Variants in ARFGEF2 observed in about 807,000 individuals in gnomAD.
ARFGEF2 encodes the protein ARF guanine nucleotide exchange factor 2.
In ARFGEF2, 74 loss-of-function variants were observed where a neutral mutation model predicts 219.9. The ratio of observed to expected loss-of-function variants is 0.34; its 90% CI spans 0.28 to 0.41. The LOEUF (loss-of-function observed/expected upper bound fraction) is 0.41, where lower values mean the gene tolerates loss of function less well. Among genes scored for constraint, ARFGEF2 ranks in the 10% least tolerant of loss-of-function variants. The probability of loss-of-function intolerance (pLI) is 1.00; values close to 1 mark genes in which losing one functional copy is unlikely to be tolerated. For missense variants in ARFGEF2, 1,743 were observed against 2,218.3 expected (o/e 0.79, Z 4.30); for synonymous variants, 733 against 799.2 (o/e 0.92, Z 1.40).
intron 1 of ARFGEF2, among the ~76,000 whole-genome samples, chr20:48,924,811 C>G (rs954511682): frequency 1.3e-5 from 2 of 152,268 alleles, no homozygotes; most frequent in East Asian, 3.9e-4. Context: ...AAACCTCCTG[C>G]CTTCCACTTG....
chr20:48,946,610 G>A (rs1021940459), intron 3 of ARFGEF2, among the ~76,000 whole-genome samples: 6 of 151,464 alleles, frequency 4.0e-5, no homozygotes, highest in Non-Finnish European at 5.9e-5. Flanking sequence ...CGAAAACCCC[G>A]ACTTCCCCAG....
Position 49,005,748 on chromosome 20 carries a change from AAAAAAAAAAAGAAAAG to A in ARFGEF2, c.3584+531_3584+546del, listed in dbSNP as rs751231544. 4.6e-5 allele frequency among the ~76,000 whole-genome samples: 7 copies of A among 151,172 alleles called. No individual in the cohort carries two copies. In the East Asian group the frequency reaches 1.2e-3, roughly 25 times the overall value. On this transcript the variant is annotated intron_variant, in intron 26 of 38. Coordinates refer to ENST00000371917, the MANE Select transcript of ARFGEF2 (RefSeq NM_006420.3). The stretch of plus-strand genomic sequence containing the variant: ...GCAAGACTCCGTCTCAAAAAAAAAA[AAAAAAAAAAAGAAAAG>A]AAATATGTCATGAACCCCTTTTGGG...
chr20:48,936,414 G>A (rs543873922), intron 1 of ARFGEF2, among the ~76,000 whole-genome samples: 1 of 151,866 alleles, frequency 6.6e-6, no homozygotes, highest in East Asian at 2.0e-4. Context: ...CTTCCCAGAC[G>A]GGGTGGCTGC....
rs762912796 is a variant in ARFGEF2 at position 48,988,632 on chromosome 20, C to T, written c.2503C>T (p.Leu835=). Residue 835 remains leucine, a synonymous_variant, in exon 18 of 39, where the codon CTA becomes TTA. Coordinates refer to ENST00000371917, the MANE Select transcript of ARFGEF2 (RefSeq NM_006420.3). ...KKIAMKETKE[L]TIATKSTKQN... ...AATTGCAATGAAAGAAACAAAAGAG[C>T]TAACGATTGCAACCAAATCTACTAA... The T allele has an allele frequency of 6.8e-6, 11 of 1,613,488 alleles. No homozygotes were observed. The highest frequency in any genetic ancestry group is 9.3e-6 in the Non-Finnish European group (11 of 1,179,802).
chr20:48,928,581 G>C (rs1398039280), intron 1 of ARFGEF2, among the ~76,000 whole-genome samples: 7 of 148,142 alleles, frequency 4.7e-5, no homozygotes, highest in Non-Finnish European at 1.0e-4. Context: ...TGCAAGCTCT[G>C]CCTCCTGGGT....
chr20:48,971,323 A>G lies in ARFGEF2; in HGVS notation c.1394A>G (p.Asn465Ser). 1 of 1,614,112 alleles carries G rather than the reference A, an allele frequency of 6.2e-7. No individual in the cohort carries two copies. Among genetic ancestry groups the G allele is most frequent in the Non-Finnish European group, 8.5e-7 (1 of 1,180,038 alleles). The change falls in exon 10 of 39, where the codon AAC becomes AGC. Residue 465 changes from asparagine (N) to serine (S), a missense_variant. Coordinates refer to ENST00000371917, the MANE Select transcript of ARFGEF2 (RefSeq NM_006420.3). ...GCCATTTTTCTTACTCTTCTTTCAA[A>G]CTTTAAAATGCACTTGAAAATGCAG... ...SLAIFLTLLS[N>S]FKMHLKMQIE... is the part of the protein sequence containing the mutation.
Position 48,925,674 on chromosome 20 carries a change from A to C in ARFGEF2, c.121+3664A>C, listed in dbSNP as rs955515948. On this transcript the variant is annotated intron_variant, in intron 1 of 38. Coordinates refer to ENST00000371917, the MANE Select transcript of ARFGEF2 (RefSeq NM_006420.3). ...AACATGGCAAAACCCCATCTCTAAAAAAATATATAAAAATTAGCTGGGTGT... is the reference window on the plus strand; with the variant it reads ...AACATGGCAAAACCCCATCTCTAAACAAATATATAAAAATTAGCTGGGTGT... Among the ~76,000 whole-genome samples, 7 of 152,150 alleles carry C rather than the reference A, an allele frequency of 4.6e-5. No homozygotes were observed. In the East Asian group the frequency reaches 1.3e-3, roughly 29 times the overall value.
At chr20:48,961,023 T>A (rs1017838979) in intron 6 of ARFGEF2, among the ~76,000 whole-genome samples, 1 of 150,514 alleles carries the variant, frequency 6.6e-6, no homozygotes, top group Non-Finnish European at 1.5e-5. Flanking sequence ...GAGGTTGCAG[T>A]GAACCGAGAT....
At chr20:48,992,558 C>A (rs1197848007) in intron 21 of ARFGEF2, among the ~76,000 whole-genome samples, 1 of 152,060 alleles carries the variant, frequency 6.6e-6, no homozygotes, top group Non-Finnish European at 1.5e-5. Context: ...ACTTAGTCAC[C>A]GAGTCCCACC....
chr20:48,964,400 ATC>A (rs2091175431), intron 7 of ARFGEF2, among the ~76,000 whole-genome samples: 1 of 152,194 alleles, frequency 6.6e-6, no homozygotes, highest in Non-Finnish European at 1.5e-5. Flanking sequence ...GCGAGACTCC[ATC>A]TCAAAAAAAA....
At chr20:48,996,741 TAAAAA>T (rs57732705) in intron 23 of ARFGEF2, among the ~76,000 whole-genome samples, 1 of 107,936 alleles carries the variant, frequency 9.3e-6, no homozygotes, top group African/African-American at 3.4e-5. Context: ...AGACTCCGTC[TAAAAA>T]AAAAAAAAAA....
chr20:48,952,544 A>C (rs1207752860), intron 4 of ARFGEF2, among the ~76,000 whole-genome samples, 161 bp from the exon 5 acceptor site: 2 of 152,196 alleles, frequency 1.3e-5, no homozygotes, highest in East Asian at 1.9e-4. Context: ...GGCTCTTCAT[A>C]ATAATCACCT....
intron 10 of ARFGEF2, 102 bp downstream of exon 10, chr20:48,971,456 T>G: frequency 1.0e-6 from 1 of 1,004,174 alleles, no homozygotes; most frequent in Non-Finnish European, 1.5e-6. Context: ...CACTAAGCAT[T>G]AGGAAAATGG....
intron 21 of ARFGEF2, 134 bp from the exon 22 acceptor site, chr20:48,994,317 A>T: frequency 9.6e-7 from 1 of 1,045,782 alleles, no homozygotes; most frequent in Non-Finnish European, 1.4e-6. Context: ...TTGAGAGCTT[A>T]CTAAATTTGC....
intron 1 of ARFGEF2, among the ~76,000 whole-genome samples, chr20:48,927,469 A>G (rs1481255193): frequency 6.6e-6 from 1 of 152,158 alleles, no homozygotes; most frequent in African/African-American, 2.4e-5. Flanking sequence ...CGGGCGGCTC[A>G]GTTGAGGCCA....
rs1600562820 is a variant in ARFGEF2, at chr20:49,029,932, G to C, written c.5063+1264G>C. On this transcript the variant is annotated intron_variant, in intron 37 of 38. Coordinates refer to ENST00000371917, the MANE Select transcript of ARFGEF2 (RefSeq NM_006420.3). ...TTTTTTTTTTTTTTTTTTTGAGACA[G>C]AGTCTTGCTCTGTCACTCAGGCTGG... is the stretch of plus-strand genomic sequence containing the variant. Among the ~76,000 whole-genome samples, 3 of 126,718 alleles carry C rather than the reference G, an allele frequency of 2.4e-5. No individual in the cohort carries two copies. In the East Asian group the frequency reaches 6.6e-4, roughly 28 times the overall value. The allele number at this position is 126,718 out of a possible 152,430, so 83.1% of individuals were successfully genotyped here.
intron 1 of ARFGEF2, among the ~76,000 whole-genome samples, chr20:48,926,781 T>C (rs1443636044): frequency 1.3e-5 from 2 of 152,152 alleles, no homozygotes; most frequent in Non-Finnish European, 1.5e-5. Flanking sequence ...TTCATTTCTT[T>C]GGGTACAGCA....
At chr20:49,021,553 T>G (rs945921160) in intron 34 of ARFGEF2, among the ~76,000 whole-genome samples, 9 of 151,864 alleles carry the variant, frequency 5.9e-5, no homozygotes, top group African/African-American at 2.2e-4. Flanking sequence ...AATTCAATAT[T>G]AAGAATTGTT....
chr20:48,924,366 G>T (rs1158404540), intron 1 of ARFGEF2, among the ~76,000 whole-genome samples: 1 of 152,152 alleles, frequency 6.6e-6, no homozygotes, highest in Non-Finnish European at 1.5e-5. Flanking sequence ...AAAAAAATTA[G>T]CTGGGCGCTG....
Sources: allele counts gnomAD v4.1 joint callset (sites outside exome capture counted in the v4.1 genomes callset), GRCh38; gene constraint gnomAD v4.1.1; transcripts MANE v1.5; gene names NCBI Gene and HGNC (gene_info 2026-07-23, HGNC 2026-07-21).